BTBD9: variants seen among roughly 807,000 people sequenced by gnomAD.
The protein encoded by BTBD9 is BTB/POZ domain-containing protein 9.
A neutral mutation model predicts 64.3 loss-of-function variants in BTBD9; 49 were observed. The observed-to-expected ratio is 0.76, with a 90% CI of 0.61 to 0.97. The LOEUF is 0.97. Ranked by LOEUF, BTBD9 falls within the 50% of genes least tolerant of loss-of-function variation. The pLI, the probability that BTBD9 is intolerant of heterozygous loss-of-function variation, is 0.00. For synonymous variants in BTBD9, 260 were observed against 274.7 expected, an observed-to-expected ratio of 0.95 and a Z score of 0.53; for missense variants, 598 against 762.1, an observed-to-expected ratio of 0.78 and a Z score of 2.53.
At chr6:38,504,358 T>C (rs1482422283) in intron 6 of BTBD9, 4 of 312,146 alleles carry the variant, frequency 1.3e-5, no homozygotes, top group African/African-American at 8.6e-5. Context: ...TGGGCTATTA[T>C]TTTACGGAGA....
chr6:38,187,595 C>A (rs190019471), intron 10 of BTBD9, among the ~76,000 whole-genome samples: 1 of 152,082 alleles, frequency 6.6e-6, no homozygotes, highest in Non-Finnish European at 1.5e-5. Context: ...CAGAGCCAGG[C>A]GAGCAGGGAG....
chr6:38,518,177 C>T (rs750913490), intron 6 of BTBD9, among the ~76,000 whole-genome samples: 6 of 152,096 alleles, frequency 3.9e-5, no homozygotes, highest in Non-Finnish European at 7.4e-5. Context: ...CCCCCACCCC[C>T]GAACCAACTT....
intron 10 of BTBD9, among the ~76,000 whole-genome samples, chr6:38,185,281 T>C (rs1436697500): frequency 6.6e-6 from 1 of 152,202 alleles, no homozygotes; most frequent in Admixed American, 6.5e-5. Flanking sequence ...GGGATTCATT[T>C]CTACCAGGTG....
rs1199734251 is a variant in BTBD9 at position 38,567,010 on chromosome 6, T to C, written c.1154+10590A>G. Among the ~76,000 whole-genome samples, 3 of 152,244 alleles carry C rather than the reference T, an allele frequency of 2.0e-5. No individual in the cohort carries two copies. The East Asian group carries it at 5.8e-4, about 29-fold the overall frequency. ...AAGCAGTTTTTCATTACTGTTGATT[T>C]GCAACTCCAAAATTACAATGGGCAA... On this transcript the variant is annotated intron_variant, in intron 6 of 10. Coordinates refer to ENST00000481247, the MANE Select transcript of BTBD9 (RefSeq NM_001099272.2).
intron 9 of BTBD9, among the ~76,000 whole-genome samples, chr6:38,213,069 C>A (rs1175685536): frequency 6.6e-6 from 1 of 151,530 alleles, no homozygotes; most frequent in Non-Finnish European, 1.5e-5. Flanking sequence ...TGTCAAAAGC[C>A]CATGCAAAAC....
chr6:38,307,451 T>G (rs992718397), intron 7 of BTBD9, among the ~76,000 whole-genome samples: 3 of 152,208 alleles, frequency 2.0e-5, no homozygotes, highest in Non-Finnish European at 2.9e-5. Context: ...AAGCTTTTCC[T>G]TTCCCAAAGT....
chr6:38,368,008 A>C (rs1273200798), intron 6 of BTBD9, among the ~76,000 whole-genome samples: 1 of 152,116 alleles, frequency 6.6e-6, no homozygotes, highest in Non-Finnish European at 1.5e-5. Context: ...TCAGCAATAA[A>C]AACTACAGAT....
intron 6 of BTBD9, among the ~76,000 whole-genome samples, chr6:38,577,217 T>C (rs1208722447): frequency 6.6e-6 from 1 of 152,208 alleles, no homozygotes; most frequent in Admixed American, 6.5e-5. Context: ...TCCAGAAATA[T>C]TTCTCATGGC....
chr6:38,460,737 C>T (rs369386042), intron 6 of BTBD9, among the ~76,000 whole-genome samples: 169 of 152,256 alleles, frequency 1.1e-3, no homozygotes, highest in African/African-American at 3.9e-3. Flanking sequence ...AATTCTCCTG[C>T]CTCAGCCTCC....
intron 7 of BTBD9, among the ~76,000 whole-genome samples, chr6:38,294,215 T>C (rs1340092633): frequency 6.6e-6 from 1 of 152,220 alleles, no homozygotes; most frequent in African/African-American, 2.4e-5. Context: ...TTTACACTGT[T>C]GGTGGGACTG....
chr6:38,493,065 G>A (rs9470889), intron 6 of BTBD9, among the ~76,000 whole-genome samples: 13,400 of 152,140 alleles, frequency 0.088, 824 homozygotes, highest in African/African-American at 0.17. Flanking sequence ...AAAATTCCAT[G>A]AGTTTTAAAA....
At chr6:38,363,975 T>C (rs1182922267) in intron 6 of BTBD9, among the ~76,000 whole-genome samples, 1 of 152,204 alleles carries the variant, frequency 6.6e-6, no homozygotes, top group Non-Finnish European at 1.5e-5. Context: ...AGTATGGCTG[T>C]CACAGAGAAT....
intron 8 of BTBD9, among the ~76,000 whole-genome samples, chr6:38,275,952 G>GA (rs1234944725): frequency 6.6e-6 from 1 of 152,010 alleles, no homozygotes; most frequent in East Asian, 1.9e-4. Flanking sequence ...ATTCCTCAGG[G>GA]ATCTAGAACT....
intron 7 of BTBD9, among the ~76,000 whole-genome samples, chr6:38,292,194 C>T (rs888285835): frequency 3.3e-5 from 5 of 151,882 alleles, no homozygotes; most frequent in African/African-American, 1.2e-4. Flanking sequence ...GAACTCCTGA[C>T]CTCAGGTGAT....
intron 1 of BTBD9, among the ~76,000 whole-genome samples, chr6:38,623,165 T>C (rs944532110): frequency 1.5e-4 from 23 of 152,136 alleles, no homozygotes; most frequent in African/African-American, 5.6e-4. Context: ...CTAAGACATA[T>C]TCTTCTTATG....
chr6:38,397,777 A>G (rs1188130956), intron 6 of BTBD9, among the ~76,000 whole-genome samples: 2 of 152,256 alleles, frequency 1.3e-5, no homozygotes, highest in Non-Finnish European at 2.9e-5. Context: ...AAAATAAAGC[A>G]GAATCACAAG....
intron 7 of BTBD9, among the ~76,000 whole-genome samples, chr6:38,295,587 ATTTAT>A (rs1762131186): frequency 6.6e-6 from 1 of 152,128 alleles, no homozygotes; most frequent in African/African-American, 2.4e-5. Context: ...TCTATTCAGA[ATTTAT>A]TTTTAGTATG....
chr6:38,178,844 CTATT>C (rs148021128), intron 10 of BTBD9, among the ~76,000 whole-genome samples: 14,848 of 151,342 alleles, frequency 0.098, 789 homozygotes, highest in Non-Finnish European at 0.13. Flanking sequence ...ACAAAGGAGG[CTATT>C]TATTTATTTA....
intron 1 of BTBD9, among the ~76,000 whole-genome samples, chr6:38,603,949 T>C (rs1321179348): frequency 6.6e-6 from 1 of 152,182 alleles, no homozygotes; most frequent in Admixed American, 6.5e-5. Context: ...TGATGTCCTG[T>C]CTGCATCTTA....
Sources: gnomAD v4.1 joint callset for allele counts (sites outside exome capture counted in the v4.1 genomes callset) on GRCh38, gnomAD v4.1.1 for gene constraint, MANE v1.5 for transcripts, NCBI Gene and HGNC (gene_info 2026-07-23, HGNC 2026-07-21) for gene names.